The following RBMS3 variants were observed in gnomAD, a reference collection of about 807,000 sequenced individuals.
RBMS3 encodes RNA-binding motif, single-stranded-interacting protein 3.
In RBMS3, 27 loss-of-function variants were observed where a neutral mutation model predicts 66.8. The ratio of observed to expected loss-of-function variants is 0.40; its 90% CI spans 0.30 to 0.56. RBMS3 has a LOEUF of 0.56. RBMS3 is among the 20% of genes least tolerant of loss of function. The pLI, the probability that RBMS3 is intolerant of heterozygous loss-of-function variation, is 0.40. For missense variants in RBMS3, 513 were observed against 549.5 expected, an observed-to-expected ratio of 0.93 and a Z score of 0.66; for synonymous variants, 188 against 183.0, an observed-to-expected ratio of 1.03 and a Z score of -0.22.
intron 5 of RBMS3, among the ~76,000 whole-genome samples, chr3:29,743,657 ACT>A (rs1339000749): frequency 6.6e-6 from 1 of 150,894 alleles, no homozygotes; most frequent in Non-Finnish European, 1.5e-5. Flanking sequence ...ATCTGTTAAA[ACT>A]CTGATTGCTG....
intron 4 of RBMS3, among the ~76,000 whole-genome samples, chr3:29,717,629 A>G (rs1010188700): frequency 1.8e-4 from 28 of 152,142 alleles, no homozygotes; most frequent in Non-Finnish European, 2.2e-4. Flanking sequence ...TAGAAGGACA[A>G]TTATTCAGTG....
chr3:29,549,678 G>A (rs890245979), intron 3 of RBMS3, among the ~76,000 whole-genome samples: 2 of 151,968 alleles, frequency 1.3e-5, no homozygotes, highest in African/African-American at 2.4e-5. Flanking sequence ...GGGATTACAG[G>A]CATGAGCCAC....
At chr3:29,347,537 G>A (rs879630005) in intron 1 of RBMS3, among the ~76,000 whole-genome samples, 16 of 152,026 alleles carry the variant, frequency 1.1e-4, no homozygotes, top group Admixed American at 7.2e-4. Context: ...GTGTGCATTC[G>A]CGATGGGGGG....
intron 7 of RBMS3, among the ~76,000 whole-genome samples, chr3:29,872,262 T>C (rs2059509184): frequency 6.6e-6 from 1 of 152,126 alleles, no homozygotes; most frequent in Non-Finnish European, 1.5e-5. Context: ...ATAAAAACAG[T>C]ATATTTTATT....
intron 3 of RBMS3, among the ~76,000 whole-genome samples, chr3:29,569,642 G>A (rs2046874187): frequency 6.6e-6 from 1 of 152,016 alleles, no homozygotes; most frequent in African/African-American, 2.4e-5. Context: ...CAAGAGATGG[G>A]TGTTTGAATT....
At chr3:29,912,649 A>G (rs762898662) in intron 10 of RBMS3, among the ~76,000 whole-genome samples, 1 of 152,084 alleles carries the variant, frequency 6.6e-6, no homozygotes, top group Non-Finnish European at 1.5e-5. Flanking sequence ...TTAACTCTCA[A>G]TAAAAGCCAA....
At chr3:29,483,651 A>C (rs558730261) in intron 2 of RBMS3, among the ~76,000 whole-genome samples, 1 of 152,348 alleles carries the variant, frequency 6.6e-6, no homozygotes, top group Non-Finnish European at 1.5e-5. Flanking sequence ...TTCCTGGTGA[A>C]GCTCTTTGTA....
At chr3:29,812,573 G>C (rs2057759072) in intron 6 of RBMS3, among the ~76,000 whole-genome samples, 1 of 152,212 alleles carries the variant, frequency 6.6e-6, no homozygotes, top group Non-Finnish European at 1.5e-5. Context: ...GCAGGAGATT[G>C]CTGCTGTGTT....
At chr3:29,323,802 T>A (rs1163637428) in intron 1 of RBMS3, among the ~76,000 whole-genome samples, 1 of 152,046 alleles carries the variant, frequency 6.6e-6, no homozygotes, top group Non-Finnish European at 1.5e-5. Flanking sequence ...ACACCCCTTC[T>A]TATTTCCCCC....
intron 3 of RBMS3, among the ~76,000 whole-genome samples, chr3:29,544,598 A>G (rs1347234612): frequency 6.6e-6 from 1 of 152,106 alleles, no homozygotes. Context: ...GGTGAGGCTA[A>G]GTCTTCATGA....
At chr3:29,850,949 C>T (rs2058919249) in intron 6 of RBMS3, among the ~76,000 whole-genome samples, 1 of 152,194 alleles carries the variant, frequency 6.6e-6, no homozygotes, top group Admixed American at 6.5e-5. Context: ...GAGCTGAGTA[C>T]ACACTAACCT....
At chr3:29,303,905 G>T (rs1316747149) in intron 1 of RBMS3, among the ~76,000 whole-genome samples, 2 of 151,944 alleles carry the variant, frequency 1.3e-5, no homozygotes, top group Non-Finnish European at 1.5e-5. Flanking sequence ...TTACATGGCG[G>T]TGGCAAGAGA....
In RBMS3 at chr3:29,691,988, C is replaced by T. The variant is rs74464098; in HGVS notation, c.400-47732C>T. Among the ~76,000 whole-genome samples the T allele has an allele frequency of 8.5e-4, 84 of 99,308 alleles. 2 individuals carry two copies. The East Asian group carries it at 0.019, about 22-fold the overall frequency. 65.1% of individuals were successfully genotyped at this position (99,308 alleles called of 152,430 possible). A position where few individuals can be genotyped will look rare whatever the true frequency, so the allele number is the denominator to read the frequency against. On this transcript the variant is annotated intron_variant, in intron 4 of 14. Coordinates refer to ENST00000383767, the MANE Select transcript of RBMS3 (RefSeq NM_001003793.3). ...TTTTTGAGATGGAGTATCCCTCTGT[C>T]GCCCAGGCTGGAGTGCAATGGCACA...
intron 1 of RBMS3, among the ~76,000 whole-genome samples, chr3:29,285,384 T>C (rs2032236260): frequency 6.6e-6 from 1 of 151,996 alleles, no homozygotes; most frequent in Non-Finnish European, 1.5e-5. Flanking sequence ...TAGATATTTC[T>C]CTCACATATA....
At chr3:29,390,014 G>A (rs1203409768) in intron 1 of RBMS3, among the ~76,000 whole-genome samples, 1 of 152,106 alleles carries the variant, frequency 6.6e-6, no homozygotes, top group African/African-American at 2.4e-5. Context: ...CTTTAGTAGG[G>A]ATTGATAGGC....
intron 4 of RBMS3, among the ~76,000 whole-genome samples, chr3:29,679,946 T>G (rs1021081292): frequency 6.6e-6 from 1 of 151,974 alleles, no homozygotes; most frequent in Admixed American, 6.6e-5. Flanking sequence ...TGGGGAGAAG[T>G]GTGATTTAGA....
At chr3:29,867,881 C>A (rs2059398525) in intron 6 of RBMS3, among the ~76,000 whole-genome samples, 1 of 151,798 alleles carries the variant, frequency 6.6e-6, no homozygotes, top group Non-Finnish European at 1.5e-5. Context: ...TGTAAACTGA[C>A]AAATTAATAT....
At position 29,690,973 on chromosome 3, in the gene RBMS3, G is replaced by C. The variant is rs79013279; in HGVS notation, c.400-48747G>C. Among the ~76,000 whole-genome samples, 233 of 152,202 alleles carry C rather than the reference G, an allele frequency of 1.5e-3. 2 individuals carry two copies. Among genetic ancestry groups the C allele is most frequent in the African/African-American group, 5.3e-3 (221 of 41,542 alleles). On this transcript the variant is annotated intron_variant, in intron 4 of 14. Coordinates refer to ENST00000383767, the MANE Select transcript of RBMS3 (RefSeq NM_001003793.3). ...TTCATAATTAGCATGTGCTTAAGAG[G>C]GTTTTTATATTCTTTGTGTGCAATG...
intron 1 of RBMS3, among the ~76,000 whole-genome samples, chr3:29,420,953 A>C (rs2040696870): frequency 2.1e-5 from 3 of 141,128 alleles, no homozygotes; most frequent in African/African-American, 4.9e-5. Flanking sequence ...AAATGAAAAA[A>C]AAAAAAAAAA....
Sources: gnomAD v4.1 joint callset for allele counts (sites outside exome capture counted in the v4.1 genomes callset) on GRCh38, gnomAD v4.1.1 for gene constraint, MANE v1.5 for transcripts, NCBI Gene and HGNC (gene_info 2026-07-23, HGNC 2026-07-21) for gene names.